CD48: variants seen among roughly 807,000 people sequenced by gnomAD.
CD48 encodes the protein CD48 antigen.
Under a neutral mutation model 22.0 loss-of-function variants are expected in CD48, and 20 were observed. The observed-to-expected ratio is 0.91, with a 90% CI of 0.64 to 1.32. CD48 has a LOEUF of 1.32. Among genes scored for constraint, CD48 ranks in the 40% most tolerant of loss-of-function variants. The pLI, the probability that CD48 is intolerant of heterozygous loss-of-function variation, is 0.00. For missense variants in CD48, 307 were observed against 286.5 expected, an observed-to-expected ratio of 1.07 and a Z score of -0.52; for synonymous variants, 110 against 110.1, an observed-to-expected ratio of 1.00 and a Z score of 0.01.
chr1:160,704,635 T>C (rs1220912685), intron 1 of CD48, among the ~76,000 whole-genome samples: 1 of 152,242 alleles, frequency 6.6e-6, no homozygotes, highest in African/African-American at 2.4e-5. Flanking sequence ...GGCATTTAAT[T>C]AACTAAAATT....
chr1:160,693,208 T>C (rs1369950983), intron 1 of CD48, among the ~76,000 whole-genome samples: 2 of 152,238 alleles, frequency 1.3e-5, no homozygotes, highest in African/African-American at 2.4e-5. Context: ...CCACATTTAA[T>C]ACAGTAAGAC....
chr1:160,681,247 T>C lies in CD48; in HGVS notation c.607A>G (p.Ser203Gly), dbSNP rs1222531794. 1.1e-5 allele frequency: 17 copies of C among 1,614,100 alleles called. No homozygotes were observed. In the East Asian group the frequency reaches 3.1e-4, roughly 30 times the overall value. The change falls in exon 3 of 4, where the codon AGC becomes GGC. Residue 203 changes from serine to glycine, a missense_variant. By Grantham distance (56) the Ser-to-Gly change is moderately conservative (BLOSUM62 0). Coordinates refer to ENST00000368046, the MANE Select transcript of CD48 (RefSeq NM_001778.4). ...CYTCQVSNSV[S>G]SKNGTVCLSP... The stretch of plus-strand genomic sequence containing the variant: ...AGGCAGACCGTGCCATTCTTGCTGC[T>C]CACAGAATTGCTGACTTGGCAAGTA...
intron 1 of CD48, among the ~76,000 whole-genome samples, chr1:160,694,878 A>T (rs1386191043): frequency 4.6e-5 from 7 of 152,256 alleles, no homozygotes; most frequent in Non-Finnish European, 1.0e-4. Flanking sequence ...ATTTATTAGC[A>T]AATGAACAGT....
intron 1 of CD48, among the ~76,000 whole-genome samples, chr1:160,696,677 T>A (rs1366638978): frequency 6.9e-6 from 1 of 144,684 alleles, no homozygotes; most frequent in Non-Finnish European, 1.5e-5. Context: ...GGCAAATGGA[T>A]GTCACGCATG....
At chr1:160,681,044 G>T in intron 3 of CD48, 158 bp downstream of exon 3, 1 of 1,495,218 alleles carries the variant, frequency 6.7e-7, no homozygotes, top group South Asian at 1.3e-5. Flanking sequence ...GGTGGTGGTA[G>T]AGCTGGTGGC....
At chr1:160,693,579 A>G (rs1362478252) in intron 1 of CD48, among the ~76,000 whole-genome samples, 1 of 152,306 alleles carries the variant, frequency 6.6e-6, no homozygotes, top group Non-Finnish European at 1.5e-5. Flanking sequence ...TTAAATAAAC[A>G]GAATATAACT....
intron 2 of CD48, among the ~76,000 whole-genome samples, chr1:160,683,212 C>T (rs561337284): frequency 6.6e-6 from 1 of 152,334 alleles, no homozygotes; most frequent in African/African-American, 2.4e-5. Context: ...CCATGGTGAT[C>T]AGCACAGCAC....
intron 1 of CD48, among the ~76,000 whole-genome samples, chr1:160,707,229 G>C (rs1253290355): frequency 1.3e-5 from 2 of 152,134 alleles, no homozygotes; most frequent in Non-Finnish European, 2.9e-5. Flanking sequence ...TGAGGAAGGA[G>C]AAACAATAAA....
At chr1:160,681,175 C>A in intron 3 of CD48, 27 bp downstream of exon 3, 1 of 1,614,048 alleles carries the variant, frequency 6.2e-7, no homozygotes. Flanking sequence ...CCCTGTGCCC[C>A]CCTCAGCTCC....
At chr1:160,704,970 C>T (rs1162239009) in intron 1 of CD48, among the ~76,000 whole-genome samples, 1 of 152,138 alleles carries the variant, frequency 6.6e-6, no homozygotes, top group African/African-American at 2.4e-5. Flanking sequence ...TAAACAAGAG[C>T]TGTGGAATAA....
intron 1 of CD48, among the ~76,000 whole-genome samples, chr1:160,686,929 G>A (rs1662024498): frequency 6.6e-6 from 1 of 152,168 alleles, no homozygotes. Context: ...CATCTTATCA[G>A]GAGACAGGGT....
At chr1:160,691,483 G>C (rs535905219) in intron 1 of CD48, among the ~76,000 whole-genome samples, 3 of 152,242 alleles carry the variant, frequency 2.0e-5, no homozygotes, top group South Asian at 2.1e-4. Flanking sequence ...ATGATGCAAA[G>C]ACCTTTGTTC....
At chr1:160,693,112 A>G (rs1429294404) in intron 1 of CD48, among the ~76,000 whole-genome samples, 2 of 152,294 alleles carry the variant, frequency 1.3e-5, no homozygotes, top group Non-Finnish European at 2.9e-5. Context: ...GTCAACAAGC[A>G]TTAATGCAAA....
At chr1:160,688,992 G>A (rs1296142000) in intron 1 of CD48, among the ~76,000 whole-genome samples, 30 of 151,950 alleles carry the variant, frequency 2.0e-4, no homozygotes, top group East Asian at 3.9e-4. Flanking sequence ...GTTTTAGATG[G>A]GCCCTCAAAA....
Position 160,681,412 on chromosome 1 carries a change from A to T in CD48, c.442T>A (p.Cys148Ser). 6.2e-7 allele frequency: 1 copy of T among 1,614,160 alleles called. No individual in the cohort carries two copies. The highest frequency in any genetic ancestry group is 8.5e-7 in the Non-Finnish European group (1 of 1,179,990). ...IEKIEDMDDNCYLKLSCVIPG... is the reference protein window; with the variant it reads ...IEKIEDMDDNSYLKLSCVIPG... The stretch of plus-strand genomic sequence containing the variant: ...ATCACACATGACAGTTTCAGATAAC[A>T]GTTGTCATCCATGTCTTCTATCTTC... Residue 148 changes from cysteine (C) to serine (S), a missense_variant, in exon 3 of 4, where the codon TGT becomes AGT. Coordinates refer to ENST00000368046, the MANE Select transcript of CD48 (RefSeq NM_001778.4).
chr1:160,702,350 G>A (rs941155643), intron 1 of CD48, among the ~76,000 whole-genome samples: 1 of 152,122 alleles, frequency 6.6e-6, no homozygotes, highest in Non-Finnish European at 1.5e-5. Flanking sequence ...GGACCTATTT[G>A]GTTTGGTTGT....
intron 1 of CD48, among the ~76,000 whole-genome samples, chr1:160,688,198 G>A (rs1199613264): frequency 6.6e-6 from 1 of 152,214 alleles, no homozygotes; most frequent in Non-Finnish European, 1.5e-5. Flanking sequence ...CGTTTGAATA[G>A]ATTGATGTAA....
chr1:160,690,264 G>A (rs954493925), intron 1 of CD48, among the ~76,000 whole-genome samples: 2 of 152,192 alleles, frequency 1.3e-5, no homozygotes, highest in South Asian at 4.1e-4. Context: ...TTAAAAATGG[G>A]CCGTGCCTTC....
At chr1:160,701,925 T>A (rs1311119787) in intron 1 of CD48, among the ~76,000 whole-genome samples, 1 of 152,126 alleles carries the variant, frequency 6.6e-6, no homozygotes, top group African/African-American at 2.4e-5. Context: ...GGTGGGCCGT[T>A]GTTTAGAAAT....
Sources: gnomAD v4.1 joint callset for allele counts (sites outside exome capture counted in the v4.1 genomes callset) on GRCh38, gnomAD v4.1.1 for gene constraint, MANE v1.5 for transcripts, NCBI Gene and HGNC (gene_info 2026-07-23, HGNC 2026-07-21) for gene names.